MCM3AP: variants seen among roughly 807,000 people sequenced by gnomAD.
MCM3AP encodes the protein minichromosome maintenance complex component 3 associated protein, also known as germinal-center associated nuclear protein.
Under a neutral mutation model 184.1 loss-of-function variants are expected in MCM3AP, and 126 were observed. The observed-to-expected ratio is 0.68, with a 90% CI of 0.59 to 0.79. MCM3AP has a LOEUF of 0.79. MCM3AP is among the 30% of genes least tolerant of loss of function. The pLI is 0.00. For synonymous variants in MCM3AP, 1,002 were observed against 979.3 expected, an observed-to-expected ratio of 1.02 and a Z score of -0.43; for missense variants, 2,496 against 2,479.2, an observed-to-expected ratio of 1.01 and a Z score of -0.14.
chr21:46,247,983 G>A (rs1396136485), intron 20 of MCM3AP, among the ~76,000 whole-genome samples: 3 of 152,004 alleles, frequency 2.0e-5, no homozygotes, highest in Admixed American at 6.6e-5. Flanking sequence ...AATAGAAAGA[G>A]GGAAGGCAAG....
At chr21:46,259,976 T>C (rs1028822140) in intron 15 of MCM3AP, among the ~76,000 whole-genome samples, 32 of 150,760 alleles carry the variant, frequency 2.1e-4, no homozygotes, top group African/African-American at 7.8e-4. Context: ...CTTGGGAGGC[T>C]GAGCTAGGAG....
chr21:46,244,353 C>T lies in MCM3AP; in HGVS notation c.5038+454G>A, dbSNP rs147528793. 2.6e-5 allele frequency among the ~76,000 whole-genome samples: 4 copies of T among 152,368 alleles called. No homozygotes were observed. In the East Asian group the frequency reaches 7.7e-4, roughly 29 times the overall value. On this transcript the variant is annotated intron_variant, in intron 23 of 27. Coordinates refer to ENST00000291688, the MANE Select transcript of MCM3AP (RefSeq NM_003906.5). Reference sequence around the variant, plus strand: ...GCCAGGAACAGGGGCACAGCCAGAGCCATAGAAGAAGGCCTCTTTGACAAA... The same window carrying T: ...GCCAGGAACAGGGGCACAGCCAGAGTCATAGAAGAAGGCCTCTTTGACAAA...
chr21:46,273,245 G>A (rs1601536024), intron 7 of MCM3AP, 143 bp downstream of exon 7: 1 of 783,702 alleles, frequency 1.3e-6, no homozygotes, highest in East Asian at 2.7e-5. Context: ...AGAGTGCTGG[G>A]ATTACAGGCC....
At chr21:46,262,965 C>CAAAAAAAAAAAAAAAAA (rs34666984) in intron 13 of MCM3AP, among the ~76,000 whole-genome samples, 1 of 45,734 alleles carries the variant, frequency 2.2e-5, no homozygotes, top group Non-Finnish European at 3.7e-5. Context: ...GACTCCGTCT[C>CAAAAAAAAAAAAAAAAA]AAAAAAAAAA....
Position 46,273,444 on chromosome 21 carries a change from C to T in MCM3AP, c.2140G>A (p.Gly714Ser), listed in dbSNP as rs942967104. Residue 714 changes from glycine to serine, a missense_variant, in exon 7 of 28, where the codon GGC becomes AGC. Transcript: ENST00000291688. ...LVTQIMDQKEGSLRDWYDFVW... is the reference protein window; with the variant it reads ...LVTQIMDQKESSLRDWYDFVW... The stretch of plus-strand genomic sequence containing the variant: ...AAGTCATACCAATCCCGCAGGCTGC[C>T]CTCCTTCTGGTCCATGATCTGGGTC... The T allele has an allele frequency of 3.7e-6, 6 of 1,613,894 alleles. No homozygotes were observed. The highest frequency in any genetic ancestry group is 1.3e-5 in the African/African-American group (1 of 74,936).
At chr21:46,243,068 C>A in intron 24 of MCM3AP, 137 bp from the exon 25 acceptor site, 1 of 800,518 alleles carries the variant, frequency 1.2e-6, no homozygotes. Context: ...TGCTTAAATT[C>A]ACTGATTTAA....
intron 2 of MCM3AP, 23 bp from the exon 3 acceptor site, chr21:46,280,598 C>T: frequency 1.3e-6 from 2 of 1,533,058 alleles, no homozygotes; most frequent in Admixed American, 1.7e-5. Flanking sequence ...CCACAACCGC[C>T]ATGTGTGAGT....
At chr21:46,276,889 C>T (rs765392855) in intron 5 of MCM3AP, among the ~76,000 whole-genome samples, 2 of 152,020 alleles carry the variant, frequency 1.3e-5, no homozygotes, top group African/African-American at 2.4e-5. Context: ...AGATGCACAC[C>T]ACCGCACCCA....
At position 46,242,998 on chromosome 21, in the gene MCM3AP, A is replaced by C. The variant is rs1223480775; in HGVS notation, c.5297-67T>G. Reference sequence around the variant, plus strand: ...CCAACCCTGTCTCAAAAAAAAAAAAAACACACACAAAAAAACAAAAACAGG... The same window carrying C: ...CCAACCCTGTCTCAAAAAAAAAAAACACACACACAAAAAAACAAAAACAGG... On this transcript the variant is annotated intron_variant, in intron 24 of 27. Transcript: ENST00000291688. 263 of 1,324,130 alleles carry C rather than the reference A, an allele frequency of 2.0e-4. 2 individuals are homozygous for C. Among genetic ancestry groups the C allele is most frequent in the South Asian group, 5.3e-4 (36 of 68,118 alleles). 82.0% of individuals were successfully genotyped at this position (1,324,130 alleles called of 1,614,324 possible). A position where few individuals can be genotyped will look rare whatever the true frequency, so the allele number is the denominator to read the frequency against.
chr21:46,259,757 GA>G (rs2081016178), intron 15 of MCM3AP, among the ~76,000 whole-genome samples: 1 of 151,696 alleles, frequency 6.6e-6, no homozygotes, highest in African/African-American at 2.4e-5. Context: ...CTAAAAATAT[GA>G]AAAATTAGCC....
chr21:46,265,958 CG>C lies in MCM3AP; in HGVS notation c.2997del (p.Val1000SerfsTer21). On this transcript the variant is annotated frameshift_variant, in exon 11 of 28. Coordinates refer to ENST00000291688, the MANE Select transcript of MCM3AP (RefSeq NM_003906.5). LOFTEE classifies it high-confidence loss of function. Reference sequence around the variant, plus strand: ...TCGGAGCCGGGTCTCTGGGTGCTGACGGGCAGCTCCGCGGCCAGGCTCTCCC... The same window carrying C: ...TCGGAGCCGGGTCTCTGGGTGCTGACGGCAGCTCCGCGGCCAGGCTCTCCC... ...YIGESLAAEL[P>X]VSTQRPGSDT... 2 of 1,596,540 alleles carry C rather than the reference CG, an allele frequency of 1.3e-6. No homozygotes were observed. Among genetic ancestry groups the C allele is most frequent in the Non-Finnish European group, 8.6e-7 (1 of 1,169,246 alleles).
intron 23 of MCM3AP, among the ~76,000 whole-genome samples, chr21:46,244,192 G>A (rs2080724779): frequency 6.6e-6 from 1 of 152,234 alleles, no homozygotes; most frequent in Admixed American, 6.5e-5. Flanking sequence ...GAGTGTCTGT[G>A]CTAATGCCAC....
At chr21:46,283,210 C>T (rs1354518237) in intron 2 of MCM3AP, among the ~76,000 whole-genome samples, 1 of 152,222 alleles carries the variant, frequency 6.6e-6, no homozygotes, top group Non-Finnish European at 1.5e-5. Context: ...CAAGCGTAAG[C>T]CACCACGCCC....
At chr21:46,246,562 C>G in intron 21 of MCM3AP, 66 bp downstream of exon 21, 1 of 1,591,906 alleles carries the variant, frequency 6.3e-7, no homozygotes, top group Non-Finnish European at 8.6e-7. Flanking sequence ...GGACCATCCT[C>G]AGACCCAGGG....
In MCM3AP at chr21:46,285,083, A is replaced by C; in HGVS notation, c.204T>G (p.Ser68=). 5.0e-6 allele frequency: 8 copies of C among 1,614,242 alleles called. No homozygotes were observed. Among genetic ancestry groups the C allele is most frequent in the Non-Finnish European group, 6.8e-6 (8 of 1,180,038 alleles). ...FPASSGVSHS[S]SVQTLGFTQT... ...GGGTGAACCCTAATGTTTGCACTGA[A>C]GAGGAATGACTTACTCCAGAAGACG... Residue 68 remains serine, a synonymous_variant, in exon 1 of 28, where the codon TCT becomes TCG. Coordinates refer to ENST00000291688, the MANE Select transcript of MCM3AP (RefSeq NM_003906.5).
At chr21:46,244,050 C>G (rs1569053342) in intron 23 of MCM3AP, among the ~76,000 whole-genome samples, 1 of 152,242 alleles carries the variant, frequency 6.6e-6, no homozygotes, top group African/African-American at 2.4e-5. Flanking sequence ...TGGGGAACCC[C>G]AACCTAACCA....
chr21:46,284,405 C>T lies in MCM3AP; in HGVS notation c.882G>A (p.Lys294=), dbSNP rs771228204. The change falls in exon 1 of 28, where the codon AAG becomes AAA. Residue 294 remains lysine, a synonymous_variant. Transcript: ENST00000291688. ...LPSLMKGLKR[K]EDQDRSPRRH... is the part of the protein sequence containing the mutation. ...TCCTTGGGGAGCGATCCTGGTCCTC[C>T]TTCCTTTTCAGTCCTTTCATTAGGC... The T allele has an allele frequency of 6.2e-7, 1 of 1,614,170 alleles. No homozygotes were observed. Among genetic ancestry groups the T allele is most frequent in the Non-Finnish European group, 8.5e-7 (1 of 1,180,024 alleles).
intron 9 of MCM3AP, among the ~76,000 whole-genome samples, chr21:46,268,443 G>A (rs2081140175): frequency 6.6e-6 from 1 of 152,204 alleles, no homozygotes; most frequent in Non-Finnish European, 1.5e-5. Flanking sequence ...CCAGGGGAGA[G>A]ACCAATGCCA....
At chr21:46,267,407 G>A in intron 9 of MCM3AP, 2 of 432,256 alleles carry the variant, frequency 4.6e-6, no homozygotes, top group South Asian at 6.0e-5. Context: ...GAGAAATCAT[G>A]AAACAAACTG....
Sources: allele counts gnomAD v4.1 joint callset (sites outside exome capture counted in the v4.1 genomes callset), GRCh38; gene constraint gnomAD v4.1.1; transcripts MANE v1.5; gene names NCBI Gene and HGNC (gene_info 2026-07-23, HGNC 2026-07-21).